Variants in POMK observed in about 807,000 individuals in gnomAD.
The protein encoded by POMK is protein O-mannose kinase, also known as Sugen kinase 196.
Under a neutral mutation model 23.0 loss-of-function variants are expected in POMK, and 19 were observed. That is an observed-to-expected ratio of 0.83 (90% CI 0.58 to 1.21). POMK has a LOEUF of 1.21. Ranked by LOEUF, POMK falls within the 50% of genes most tolerant of loss-of-function variation. The pLI is 0.00. For missense variants in POMK, 410 were observed against 431.3 expected, an observed-to-expected ratio of 0.95 and a Z score of 0.44; for synonymous variants, 173 against 171.6, an observed-to-expected ratio of 1.01 and a Z score of -0.06.
At chr8:43,117,732 A>G (rs1202972513) in intron 4 of POMK, among the ~76,000 whole-genome samples, 1 of 152,200 alleles carries the variant, frequency 6.6e-6, no homozygotes, top group Non-Finnish European at 1.5e-5. Context: ...AGAGTAAGGT[A>G]TTTTCATCCA....
chr8:43,118,743 A>G (rs1212783714), intron 4 of POMK, among the ~76,000 whole-genome samples: 1 of 152,240 alleles, frequency 6.6e-6, no homozygotes, highest in Non-Finnish European at 1.5e-5. Flanking sequence ...ACAAAAATGA[A>G]TGAGACACAA....
chr8:43,119,823 T>G (rs1278891440), intron 4 of POMK, among the ~76,000 whole-genome samples: 1 of 152,154 alleles, frequency 6.6e-6, no homozygotes, highest in African/African-American at 2.4e-5. Context: ...ATTTGAATGT[T>G]ATGAGCCAAT....
At chr8:43,108,172 A>G (rs1287998259) in intron 4 of POMK, among the ~76,000 whole-genome samples, 4 of 152,188 alleles carry the variant, frequency 2.6e-5, no homozygotes, top group Non-Finnish European at 5.9e-5. Flanking sequence ...CCTGTCAGAA[A>G]GTGACATTCT....
rs868698029 is a variant in POMK at position 43,099,400 on chromosome 8, G to T, written c.-118+1785G>T. Among the ~76,000 whole-genome samples the T allele has an allele frequency of 9.8e-5, 15 of 152,360 alleles. No homozygotes were observed. The East Asian group carries it at 1.5e-3, about 16-fold the overall frequency. On this transcript the variant is annotated intron_variant, in intron 2 of 4. Coordinates refer to ENST00000331373, the MANE Select transcript of POMK (RefSeq NM_032237.5). ...CCTTTGGAAGTTGTCAGCAGGCAGCGATGAAAAGTCCTGAGTCTGGGTGAG... is the reference window on the plus strand; with the variant it reads ...CCTTTGGAAGTTGTCAGCAGGCAGCTATGAAAAGTCCTGAGTCTGGGTGAG...
chr8:43,109,389 A>G (rs946072669), intron 4 of POMK, among the ~76,000 whole-genome samples: 3 of 152,090 alleles, frequency 2.0e-5, no homozygotes, highest in Admixed American at 1.3e-4. Context: ...AAAACCTTTC[A>G]TTATCTTTTA....
At chr8:43,099,423 G>C (rs1168072319) in intron 2 of POMK, among the ~76,000 whole-genome samples, 1 of 152,238 alleles carries the variant, frequency 6.6e-6, no homozygotes, top group Non-Finnish European at 1.5e-5. Context: ...GAGTCTGGGT[G>C]AGCTCTCCCA....
At chr8:43,096,986 C>T (rs1811348371) in intron 1 of POMK, among the ~76,000 whole-genome samples, 1 of 152,166 alleles carries the variant, frequency 6.6e-6, no homozygotes, top group South Asian at 2.1e-4. Flanking sequence ...TTTGGTAACC[C>T]ATCCCTGTAG....
intron 1 of POMK, among the ~76,000 whole-genome samples, chr8:43,094,614 A>T (rs1361687734): frequency 2.0e-5 from 3 of 152,284 alleles, no homozygotes; most frequent in Non-Finnish European, 4.4e-5. Context: ...ATTTAAAATA[A>T]TCCTCTTAAT....
chr8:43,098,282 C>A (rs562951349), intron 2 of POMK, among the ~76,000 whole-genome samples: 1 of 152,158 alleles, frequency 6.6e-6, no homozygotes, highest in Non-Finnish European at 1.5e-5. Context: ...TATTCCACCC[C>A]CTGCCTCCCC....
chr8:43,110,467 A>G (rs899610612), intron 4 of POMK, among the ~76,000 whole-genome samples: 3 of 152,242 alleles, frequency 2.0e-5, no homozygotes, highest in East Asian at 1.9e-4. Flanking sequence ...GAATTGTACA[A>G]CATTTCTTGC....
At chr8:43,099,415 G>C (rs887398735) in intron 2 of POMK, among the ~76,000 whole-genome samples, 1 of 152,348 alleles carries the variant, frequency 6.6e-6, no homozygotes, top group South Asian at 2.1e-4. Flanking sequence ...AAAGTCCTGA[G>C]TCTGGGTGAG....
intron 4 of POMK, among the ~76,000 whole-genome samples, chr8:43,106,447 A>G (rs951582450): frequency 2.2e-5 from 3 of 138,864 alleles, no homozygotes; most frequent in African/African-American, 8.1e-5. Flanking sequence ...TCTTAACTCT[A>G]TTTGTTTCCT....
At chr8:43,112,260 C>T (rs538603750) in intron 4 of POMK, among the ~76,000 whole-genome samples, 5 of 152,286 alleles carry the variant, frequency 3.3e-5, no homozygotes, top group Admixed American at 6.5e-5. Flanking sequence ...ACAAGAACTA[C>T]GTGACAAATG....
At position 43,122,766 on chromosome 8, in the gene POMK, G is replaced by A. The variant is rs375850409; in HGVS notation, c.942G>A (p.Lys314=). Residue 314 remains lysine, a synonymous_variant, in exon 5 of 5, where the codon AAG becomes AAA. Transcript: ENST00000331373. ...TGTTTGATATTCACAAAGCATGCAA[G>A]AGCCAGACTCCCTCAGAAAGACCCA... ...FHLFDIHKAC[K]SQTPSERPTA... 1 of 1,614,074 alleles carries A rather than the reference G, an allele frequency of 6.2e-7. No homozygotes were observed. Among genetic ancestry groups the A allele is most frequent in the African/African-American group, 1.3e-5 (1 of 74,940 alleles).
chr8:43,103,256 A>G (rs1303210826), intron 3 of POMK, among the ~76,000 whole-genome samples: 1 of 152,212 alleles, frequency 6.6e-6, no homozygotes, highest in Non-Finnish European at 1.5e-5. Flanking sequence ...AATGCATGCT[A>G]CTGTGAGTCG....
chr8:43,112,988 G>C, intron 4 of POMK, among the ~76,000 whole-genome samples: 1 of 152,208 alleles, frequency 6.6e-6, no homozygotes, highest in Non-Finnish European at 1.5e-5. Flanking sequence ...ATCAAGGCTA[G>C]GAAGAAACTG....
chr8:43,102,848 A>C lies in POMK; in HGVS notation c.-22+248A>C, dbSNP rs1563336714. Among the ~76,000 whole-genome samples, 2 of 152,148 alleles carry C rather than the reference A, an allele frequency of 1.3e-5. 1 individual carries two copies. The highest frequency in any genetic ancestry group is 3.8e-4 in the East Asian group (2 of 5,198). On this transcript the variant is annotated intron_variant, in intron 3 of 4. Coordinates refer to ENST00000331373, the MANE Select transcript of POMK (RefSeq NM_032237.5). ...CCAGCGGTAGAGCCCACACATTATC[A>C]GTGGTTACTTATCGCTGGTGTGACA...
intron 2 of POMK, among the ~76,000 whole-genome samples, chr8:43,099,334 C>G (rs527888232): frequency 6.6e-6 from 1 of 152,322 alleles, no homozygotes; most frequent in Admixed American, 6.5e-5. Flanking sequence ...GTCAAGGAAG[C>G]AAGCCTTGGG....
intron 4 of POMK, among the ~76,000 whole-genome samples, chr8:43,108,173 G>A (rs1428419525): frequency 6.6e-6 from 1 of 152,164 alleles, no homozygotes; most frequent in Non-Finnish European, 1.5e-5. Context: ...CTGTCAGAAA[G>A]TGACATTCTA....
Sources: allele counts gnomAD v4.1 joint callset (sites outside exome capture counted in the v4.1 genomes callset), GRCh38; gene constraint gnomAD v4.1.1; transcripts MANE v1.5; gene names NCBI Gene and HGNC (gene_info 2026-07-23, HGNC 2026-07-21).